SLC35F4: variants seen among roughly 807,000 people sequenced by gnomAD.
The protein encoded by SLC35F4 is chromosome 14 open reading frame 36.
Under a neutral mutation model 44.2 loss-of-function variants are expected in SLC35F4, and 24 were observed. That is an observed-to-expected ratio of 0.54 (90% CI 0.39 to 0.76). The LOEUF is 0.76. SLC35F4 is among the 30% of genes least tolerant of loss of function. The pLI is 0.00. For synonymous variants in SLC35F4, 238 were observed against 223.6 expected (o/e 1.06, Z -0.57); for missense variants, 562 against 586.1 (o/e 0.96, Z 0.42).
At chr14:57,981,224 G>T (rs1881371069) in intron 1 of SLC35F4, among the ~76,000 whole-genome samples, 1 of 152,214 alleles carries the variant, frequency 6.6e-6, no homozygotes, top group Non-Finnish European at 1.5e-5. Context: ...TGTGTAACCA[G>T]ACCATCCCAC....
chr14:57,872,876 G>C (rs1008813434), intron 1 of SLC35F4, among the ~76,000 whole-genome samples: 5 of 152,070 alleles, frequency 3.3e-5, no homozygotes, highest in African/African-American at 9.7e-5. Flanking sequence ...TCTGCCTCAG[G>C]CTCTCTTTTC....
chr14:57,898,142 G>A (rs1888923479), intron 1 of SLC35F4, among the ~76,000 whole-genome samples: 1 of 152,110 alleles, frequency 6.6e-6, no homozygotes, highest in Non-Finnish European at 1.5e-5. Flanking sequence ...TATTTATATA[G>A]TCAGGTTTTC....
At chr14:57,953,993 T>G (rs1435131220) in intron 1 of SLC35F4, among the ~76,000 whole-genome samples, 2 of 152,136 alleles carry the variant, frequency 1.3e-5, no homozygotes, top group Non-Finnish European at 2.9e-5. Context: ...AGAACCACAC[T>G]GCACTTATTC....
At chr14:57,599,136 T>G (rs1468805519) in intron 1 of SLC35F4, among the ~76,000 whole-genome samples, 1 of 152,238 alleles carries the variant, frequency 6.6e-6, no homozygotes, top group Non-Finnish European at 1.5e-5. Context: ...AAACATGTAT[T>G]TGCAAATTAT....
chr14:57,963,708 GCTC>G (rs1890380557), intron 1 of SLC35F4, among the ~76,000 whole-genome samples: 1 of 122,764 alleles, frequency 8.1e-6, no homozygotes, highest in African/African-American at 3.1e-5. Context: ...ATTCATTCTA[GCTC>G]CTTTTTTTTT....
chr14:57,732,003 G>A (rs1486305687), intron 1 of SLC35F4, among the ~76,000 whole-genome samples: 1 of 152,136 alleles, frequency 6.6e-6, no homozygotes, highest in Non-Finnish European at 1.5e-5. Context: ...TTTAAGATGA[G>A]TTAGGAGGAA....
chr14:57,675,038 C>G (rs188370113), intron 1 of SLC35F4, among the ~76,000 whole-genome samples: 27 of 152,136 alleles, frequency 1.8e-4, no homozygotes, highest in Middle Eastern at 6.8e-3. Flanking sequence ...GAACTGTATC[C>G]CAACACTGTA....
chr14:57,621,713 C>T lies in SLC35F4; in HGVS notation c.104-27589G>A, dbSNP rs532524903. Among the ~76,000 whole-genome samples, 525 of 151,988 alleles carry T rather than the reference C, an allele frequency of 3.5e-3. 6 individuals carry two copies. The highest frequency in any genetic ancestry group is 0.011 in the African/African-American group (453 of 41,446). On this transcript the variant is annotated intron_variant, in intron 1 of 7. Coordinates refer to ENST00000556826, the MANE Select transcript of SLC35F4 (RefSeq NM_001306087.2). Reference sequence around the variant, plus strand: ...ACGTTAGACCTAAAACCATAAAAACCGTAGAAGGAAACCTAGGCATTACCA... The same window carrying T: ...ACGTTAGACCTAAAACCATAAAAACTGTAGAAGGAAACCTAGGCATTACCA...
At chr14:57,973,619 TGGAGTTGGGAG>T (rs759113035), downstream of SLC35F4, among the ~76,000 whole-genome samples, 127 of 152,178 alleles carry the variant, frequency 8.3e-4, 2 homozygotes, top group Non-Finnish European at 1.4e-3. Flanking sequence ...ACTTGGGACA[TGGAGTTGGGAG>T]GGACATTAGA....
chr14:57,901,049 G>A (rs144735615), intron 1 of SLC35F4, among the ~76,000 whole-genome samples: 1 of 152,204 alleles, frequency 6.6e-6, no homozygotes, highest in South Asian at 2.1e-4. Flanking sequence ...CAGAGAAAAA[G>A]GAGTGCTTTT....
At chr14:57,584,642 A>G (rs1360493737) in intron 3 of SLC35F4, among the ~76,000 whole-genome samples, 2 of 152,196 alleles carry the variant, frequency 1.3e-5, no homozygotes, top group African/African-American at 4.8e-5. Flanking sequence ...TACATGCACT[A>G]TAGGTAGAGT....
intron 1 of SLC35F4, among the ~76,000 whole-genome samples, chr14:57,954,846 G>T (rs748734929): frequency 1.3e-5 from 2 of 150,952 alleles, no homozygotes; most frequent in African/African-American, 4.9e-5. Context: ...TCTACCAGAG[G>T]TACAAAGAGG....
intron 1 of SLC35F4, among the ~76,000 whole-genome samples, chr14:57,903,806 T>C (rs757425496): frequency 4.6e-5 from 7 of 152,218 alleles, no homozygotes; most frequent in Non-Finnish European, 1.0e-4. Flanking sequence ...ATCAGTGAGA[T>C]TGGAGATCTA....
chr14:57,619,930 G>A (rs1595071067), intron 1 of SLC35F4, among the ~76,000 whole-genome samples: 1 of 151,782 alleles, frequency 6.6e-6, no homozygotes, highest in South Asian at 2.1e-4. Flanking sequence ...TCAAGCAGAA[G>A]AACAGATATC....
In SLC35F4 at chr14:57,720,118, G is replaced by A. The variant is rs149582366; in HGVS notation, c.104-125994C>T. On this transcript the variant is annotated intron_variant, in intron 1 of 7. Coordinates refer to ENST00000556826, the MANE Select transcript of SLC35F4 (RefSeq NM_001306087.2). ...TGATATGATGTATCACATTGTTTGA[G>A]TTGCATATCAAATCAATGATATGCA... Among the ~76,000 whole-genome samples, 3 of 152,196 alleles carry A rather than the reference G, an allele frequency of 2.0e-5. No homozygotes were observed. In the East Asian group the frequency reaches 5.8e-4, roughly 29 times the overall value.
At chr14:57,889,885 C>T (rs935495272) in intron 1 of SLC35F4, among the ~76,000 whole-genome samples, 1 of 152,094 alleles carries the variant, frequency 6.6e-6, no homozygotes, top group African/African-American at 2.4e-5. Context: ...GTTCATCAAG[C>T]CACTACAAGT....
At chr14:57,784,048 G>C (rs953231918) in intron 1 of SLC35F4, among the ~76,000 whole-genome samples, 3 of 152,148 alleles carry the variant, frequency 2.0e-5, no homozygotes, top group Non-Finnish European at 4.4e-5. Context: ...ATTTATGACA[G>C]AGCTAATCAA....
chr14:57,639,254 T>A (rs909989390), intron 1 of SLC35F4, among the ~76,000 whole-genome samples: 1 of 152,112 alleles, frequency 6.6e-6, no homozygotes, highest in African/African-American at 2.4e-5. Context: ...TTACACTGCC[T>A]GTTTCTTGCC....
rs369495871 is a variant in SLC35F4 at position 57,709,670 on chromosome 14, C to T, written c.104-115546G>A. ...AGCAAAGAGACTGGCAACATTTTGC[C>T]CCTGCCCTAGAGATCTGTGAAACTT... On this transcript the variant is annotated intron_variant, in intron 1 of 7. Coordinates refer to ENST00000556826, the MANE Select transcript of SLC35F4 (RefSeq NM_001306087.2). Among the ~76,000 whole-genome samples, 7 of 152,090 alleles carry T rather than the reference C, an allele frequency of 4.6e-5. No individual in the cohort carries two copies. In the East Asian group the frequency reaches 1.4e-3, roughly 29 times the overall value.
Sources: allele counts gnomAD v4.1 joint callset (sites outside exome capture counted in the v4.1 genomes callset), GRCh38; gene constraint gnomAD v4.1.1; transcripts MANE v1.5; gene names NCBI Gene and HGNC (gene_info 2026-07-23, HGNC 2026-07-21).